Variants in FAT3 observed in about 807,000 individuals in gnomAD.
FAT3 encodes FAT atypical cadherin 3.
Under a neutral mutation model 310.2 loss-of-function variants are expected in FAT3, and 95 were observed. The observed-to-expected ratio is 0.31, with a 90% CI of 0.26 to 0.36. The LOEUF (loss-of-function observed/expected upper bound fraction) is 0.36, where lower values mean the gene tolerates loss of function less well. Among genes scored for constraint, FAT3 ranks in the 10% least tolerant of loss-of-function variants. The pLI is 1.00. For missense variants in FAT3, 5,408 were observed against 5,715.6 expected (o/e 0.95, Z 1.74); for synonymous variants, 2,314 against 2,192.9 (o/e 1.06, Z -1.54).
rs570786515 is a variant in FAT3 at position 92,423,215 on chromosome 11, C to T, written c.3292+67811C>T. 7.9e-5 allele frequency among the ~76,000 whole-genome samples: 12 copies of T among 152,242 alleles called. No homozygotes were observed. In the South Asian group the frequency reaches 2.5e-3, roughly 32 times the overall value. ...ATACACTGGACAGCCATGGATTCCT[C>T]CAAGTCAGTACTTTGCAAGCTGAGT... On this transcript the variant is annotated intron_variant, in intron 2 of 27. Coordinates refer to ENST00000525166, the MANE Select transcript of FAT3 (RefSeq NM_001367949.2).
At chr11:92,839,410 C>T (rs12271423) in intron 17 of FAT3, among the ~76,000 whole-genome samples, 7,804 of 152,234 alleles carry the variant, frequency 0.051, 667 homozygotes, top group African/African-American at 0.18. Flanking sequence ...GGTGGTCCCA[C>T]GACTGATTCC....
chr11:92,243,450 T>G (rs1283591951), intron 1 of FAT3, among the ~76,000 whole-genome samples: 1 of 152,090 alleles, frequency 6.6e-6, no homozygotes, highest in Non-Finnish European at 1.5e-5. Context: ...ATGTTTTTTG[T>G]TGAAAGCCTT....
chr11:92,377,788 A>T (rs182168700), intron 2 of FAT3, among the ~76,000 whole-genome samples: 3 of 152,314 alleles, frequency 2.0e-5, no homozygotes, highest in Admixed American at 1.3e-4. Context: ...GAAGGAAAGG[A>T]AAAGAAAGAA....
chr11:92,763,279 G>A (rs7937822), intron 5 of FAT3, among the ~76,000 whole-genome samples: 5,311 of 151,986 alleles, frequency 0.035, 314 homozygotes, highest in African/African-American at 0.12. Flanking sequence ...CTCTCCTGTG[G>A]TCTAGACGTG....
At chr11:92,741,468 G>A (rs1321614718) in intron 4 of FAT3, among the ~76,000 whole-genome samples, 1 of 152,070 alleles carries the variant, frequency 6.6e-6, no homozygotes, top group East Asian at 1.9e-4. Flanking sequence ...TTTAGACCTG[G>A]GACTAAACAT....
chr11:92,835,116 T>A, intron 15 of FAT3, 32 bp downstream of exon 15: 1 of 1,562,232 alleles, frequency 6.4e-7, no homozygotes. Flanking sequence ...TGGTTCTAGA[T>A]GTTTGGGACT....
At chr11:92,277,891 G>A (rs1291881464) in intron 1 of FAT3, among the ~76,000 whole-genome samples, 2 of 151,632 alleles carry the variant, frequency 1.3e-5, no homozygotes, top group East Asian at 1.9e-4. Flanking sequence ...GGTAAACTTG[G>A]GCAACATGGC....
rs1310552617 is a variant in FAT3 at position 92,355,195 on chromosome 11, A to G, written c.3083A>G (p.Glu1028Gly). 1.9e-6 allele frequency: 3 copies of G among 1,613,654 alleles called. No individual in the cohort carries two copies. The highest frequency in any genetic ancestry group is 2.5e-6 in the Non-Finnish European group (3 of 1,179,852). ...PVSLSSVSFV[E>G]VEVVDVNENL... ...TCTCTGTCATCTGTTTCCTTTGTTG[A>G]GGTGGAAGTGGTGGATGTCAATGAA... The change falls in exon 2 of 28, where the codon GAG (glutamate) becomes GGG (glycine). Residue 1028 changes from glutamate (E) to glycine (G), a missense_variant. Transcript: ENST00000525166.
intron 3 of FAT3, among the ~76,000 whole-genome samples, chr11:92,631,387 TC>T (rs1941551958): frequency 6.6e-6 from 1 of 152,120 alleles, no homozygotes; most frequent in South Asian, 2.1e-4. Context: ...CCCACCCAGA[TC>T]TCATCTAGAA....
intron 3 of FAT3, among the ~76,000 whole-genome samples, chr11:92,624,023 G>A (rs1941212411): frequency 6.6e-6 from 1 of 152,174 alleles, no homozygotes; most frequent in Admixed American, 6.6e-5. Flanking sequence ...CATTATGCTA[G>A]ATACAAATAC....
intron 1 of FAT3, among the ~76,000 whole-genome samples, chr11:92,309,922 GAGTT>G (rs1475113820): frequency 2.0e-5 from 3 of 151,066 alleles, no homozygotes; most frequent in Non-Finnish European, 4.4e-5. Context: ...ATTGGAATGA[GAGTT>G]AGTGCTCGAC....
intron 3 of FAT3, among the ~76,000 whole-genome samples, chr11:92,580,950 T>A (rs1938760877): frequency 6.6e-6 from 1 of 152,050 alleles, no homozygotes; most frequent in African/African-American, 2.4e-5. Flanking sequence ...TTTCATTCCA[T>A]TCCCCCAAGT....
At chr11:92,527,501 C>T (rs1953907504) in intron 3 of FAT3, among the ~76,000 whole-genome samples, 1 of 152,138 alleles carries the variant, frequency 6.6e-6, no homozygotes, top group Non-Finnish European at 1.5e-5. Flanking sequence ...GCTTACTCTG[C>T]AAGGGTTGCT....
intron 2 of FAT3, among the ~76,000 whole-genome samples, chr11:92,365,018 G>C (rs1158674492): frequency 2.6e-5 from 4 of 152,212 alleles, no homozygotes; most frequent in African/African-American, 9.6e-5. Context: ...CTAGCTCTTT[G>C]GGAGGCCAAG....
intron 2 of FAT3, among the ~76,000 whole-genome samples, chr11:92,518,313 A>G (rs1591392472): frequency 6.6e-6 from 1 of 152,136 alleles, no homozygotes; most frequent in African/African-American, 2.4e-5. Context: ...ACACATATAC[A>G]CCATGGAATA....
chr11:92,788,334 A>G (rs796774360), intron 7 of FAT3, among the ~76,000 whole-genome samples: 26 of 152,304 alleles, frequency 1.7e-4, no homozygotes, highest in African/African-American at 6.0e-4. Context: ...TGAGTTCATA[A>G]TAATGGTTAA....
Position 92,790,093 on chromosome 11 carries a change from A to T in FAT3, c.4486A>T (p.Thr1496Ser). The change falls in exon 8 of 28, where the codon ACT becomes TCT. Residue 1496 changes from threonine to serine, a missense_variant. Physicochemically the swap from Thr to Ser is moderately conservative, Grantham distance 58. Coordinates refer to ENST00000525166, the MANE Select transcript of FAT3 (RefSeq NM_001367949.2). Reference sequence around the variant, plus strand: ...AGATGAGAAGCACAAGCTGAGCTACACTGTTCATAGCAGCATCGACTCCAT... The same window carrying T: ...AGATGAGAAGCACAAGCTGAGCTACTCTGTTCATAGCAGCATCGACTCCAT... ...DRDEKHKLSY[T>S]VHSSIDSISM... 6.2e-7 allele frequency: 1 copy of T among 1,613,844 alleles called. No homozygotes were observed. Among genetic ancestry groups the T allele is most frequent in the South Asian group, 1.1e-5 (1 of 91,080 alleles).
intron 3 of FAT3, among the ~76,000 whole-genome samples, chr11:92,570,222 C>G (rs1477915456): frequency 6.6e-6 from 1 of 152,194 alleles, no homozygotes; most frequent in Non-Finnish European, 1.5e-5. Context: ...TTTCCAGTGT[C>G]TGCCAAGTGG....
intron 3 of FAT3, among the ~76,000 whole-genome samples, chr11:92,567,207 C>A (rs1955491151): frequency 8.4e-6 from 1 of 119,288 alleles, no homozygotes; most frequent in Non-Finnish European, 1.8e-5. Flanking sequence ...AACAAAACCC[C>A]ATCAAAAAGT....
Sources: allele counts gnomAD v4.1 joint callset (sites outside exome capture counted in the v4.1 genomes callset), GRCh38; gene constraint gnomAD v4.1.1; transcripts MANE v1.5; gene names NCBI Gene and HGNC (gene_info 2026-07-23, HGNC 2026-07-21).